Variants in TFR2 observed in about 807,000 individuals in gnomAD.
TFR2 encodes the protein transferrin receptor protein 2.
In TFR2, 64 loss-of-function variants were observed where a neutral mutation model predicts 91.9. The ratio of observed to expected loss-of-function variants is 0.70; its 90% CI spans 0.57 to 0.86. The LOEUF is 0.86. Ranked by LOEUF, TFR2 falls within the 40% of genes least tolerant of loss-of-function variation. The probability of loss-of-function intolerance (pLI) is 0.00; values close to 1 mark genes in which losing one functional copy is unlikely to be tolerated. For missense variants in TFR2, 950 were observed against 1,080.5 expected (o/e 0.88, Z 1.69); for synonymous variants, 454 against 459.6 (o/e 0.99, Z 0.15).
At chr7:100,629,485 C>T in intron 9 of TFR2, 113 bp from the exon 10 acceptor site, 1 of 1,570,890 alleles carries the variant, frequency 6.4e-7, no homozygotes, top group Non-Finnish European at 8.6e-7. Flanking sequence ...CCTAGCCCTG[C>T]AGTCCCTCCA....
rs1478674823 is a variant in TFR2 at position 100,626,807 on chromosome 7, T to C, written c.2092A>G (p.Arg698Gly). Residue 698 changes from arginine (R) to glycine (G), a missense_variant, in exon 17 of 18, where the codon AGA becomes GGA. By Grantham distance (125) the Arg-to-Gly change is moderately radical (BLOSUM62 -2). Transcript: ENST00000223051. Reference sequence around the variant, plus strand: ...TACATGCGTGTCAGTCGCTCGTCTCTCTCCTCCGAGCTGTAGATCTCCTGC... The same window carrying C: ...TACATGCGTGTCAGTCGCTCGTCTCCCTCCTCCGAGCTGTAGATCTCCTGC... ...LRQEIYSSEE[R>G]DERLTRMYNV... 1 of 1,549,012 alleles carries C rather than the reference T, an allele frequency of 6.5e-7. No individual in the cohort carries two copies. The highest frequency in any genetic ancestry group is 8.7e-7 in the Non-Finnish European group (1 of 1,146,902).
In TFR2 at chr7:100,632,007, A is replaced by G. The variant is rs1006892415; in HGVS notation, c.967-62T>C. On this transcript the variant is annotated intron_variant, in intron 7 of 17. Coordinates refer to ENST00000223051, the MANE Select transcript of TFR2 (RefSeq NM_003227.4). The stretch of plus-strand genomic sequence containing the variant: ...TGGGCTTCCAGGAAAAACGAAAAAC[A>G]TGCCAGCCCTATTCTGAGCAAGAAG... 1.2e-5 allele frequency: 19 copies of G among 1,613,964 alleles called. No homozygotes were observed. In the Admixed American group the frequency reaches 1.3e-4, roughly 11 times the overall value.
At chr7:100,637,229 A>G (rs1054303783) in intron 3 of TFR2, among the ~76,000 whole-genome samples, 13 of 151,996 alleles carry the variant, frequency 8.6e-5, no homozygotes, top group African/African-American at 3.1e-4. Flanking sequence ...GAGAAACCCC[A>G]TCTCCACTAA....
chr7:100,627,741 T>TA lies in TFR2; in HGVS notation c.1682+2dup. On this transcript the variant is annotated splice_region_variant and intron_variant, in intron 14 of 17. Coordinates refer to ENST00000223051, the MANE Select transcript of TFR2 (RefSeq NM_003227.4). ...CCCAGCTCTCCCTACCCCCCCAACTTACACCTCAGCATCCCAGCTGGGATT... is the reference window on the plus strand; with the variant it reads ...CCCAGCTCTCCCTACCCCCCCAACTTAACACCTCAGCATCCCAGCTGGGATT... 6.2e-7 allele frequency: 1 copy of TA among 1,613,310 alleles called. No individual in the cohort carries two copies. The highest frequency in any genetic ancestry group is 8.5e-7 in the Non-Finnish European group (1 of 1,179,634).
chr7:100,634,327 C>G (rs1219266672), intron 3 of TFR2, among the ~76,000 whole-genome samples: 2 of 152,182 alleles, frequency 1.3e-5, no homozygotes, highest in Non-Finnish European at 1.5e-5. Context: ...CACCAAGGTA[C>G]TCAGGGGAAT....
intron 9 of TFR2, among the ~76,000 whole-genome samples, chr7:100,630,521 C>A (rs1803404094): frequency 6.6e-6 from 1 of 152,106 alleles, no homozygotes; most frequent in Non-Finnish European, 1.5e-5. Flanking sequence ...AACTCCTGAC[C>A]TCAAGTGATC....
intron 3 of TFR2, among the ~76,000 whole-genome samples, chr7:100,638,570 T>G (rs935187438): frequency 6.6e-6 from 1 of 151,358 alleles, no homozygotes; most frequent in African/African-American, 2.4e-5. Flanking sequence ...CCCAACATGG[T>G]GAAACCCCGT....
At chr7:100,635,112 A>AT (rs952852850) in intron 3 of TFR2, among the ~76,000 whole-genome samples, 2 of 151,050 alleles carry the variant, frequency 1.3e-5, no homozygotes, top group African/African-American at 4.9e-5. Context: ...CTAGTTTTGT[A>AT]TTTTTTTAGT....
At position 100,633,037 on chromosome 7, in the gene TFR2, C is replaced by T. The variant is rs757450980; in HGVS notation, c.813G>A (p.Leu271=). ...ARGVDPVGRL[L]LVRVGVISFA... The stretch of plus-strand genomic sequence containing the variant: ...AGCTGATCACCCCCACGCGCACCAG[C>T]AGCAGGCGGCCCACTGGATCCACGC... The change falls in exon 6 of 18, where the codon CTG becomes CTA. Residue 271 remains leucine (L), a synonymous_variant. Transcript: ENST00000223051. The T allele has an allele frequency of 6.2e-6, 10 of 1,613,800 alleles. No individual in the cohort carries two copies. Among genetic ancestry groups the T allele is most frequent in the Non-Finnish European group, 5.9e-6 (7 of 1,180,010 alleles).
intron 3 of TFR2, among the ~76,000 whole-genome samples, chr7:100,637,827 G>A (rs1030279723): frequency 8.2e-4 from 68 of 82,852 alleles, no homozygotes; most frequent in Non-Finnish European, 1.3e-3. Context: ...AAAAATTAAT[G>A]TAATTTAATT....
At chr7:100,628,039 C>T (rs200503408) in intron 12 of TFR2, 34 bp downstream of exon 12, 2 of 1,614,086 alleles carry the variant, frequency 1.2e-6, no homozygotes, top group Non-Finnish European at 1.7e-6. Context: ...GGGTGGACCC[C>T]AGGGGGCCAG....
chr7:100,628,360 C>A, intron 10 of TFR2, 54 bp from the exon 11 acceptor site: 3 of 1,553,206 alleles, frequency 1.9e-6, no homozygotes, highest in Non-Finnish European at 2.7e-6. Flanking sequence ...CAAAGACCCT[C>A]CCCTTGTCTT....
chr7:100,625,993 CGTGA>C (rs1446443668), intron 17 of TFR2, among the ~76,000 whole-genome samples: 3 of 152,114 alleles, frequency 2.0e-5, no homozygotes, highest in Admixed American at 6.6e-5. Context: ...CTCTGAAAAC[CGTGA>C]GTGTGTGTGC....
At chr7:100,624,521 A>C (rs1366580564) in intron 17 of TFR2, among the ~76,000 whole-genome samples, 1 of 135,130 alleles carries the variant, frequency 7.4e-6, no homozygotes, top group Non-Finnish European at 1.6e-5. Context: ...ATTACACAAA[A>C]GTAGCCATAG....
chr7:100,632,327 C>T (rs902755550), intron 6 of TFR2, 129 bp from the exon 7 acceptor site: 6 of 880,624 alleles, frequency 6.8e-6, no homozygotes, highest in African/African-American at 6.6e-5. Context: ...GGGGGCACTA[C>T]CTGGCCTGTG....
chr7:100,621,226 T>C (rs1178653928), intron 17 of TFR2, 100 bp from the exon 18 acceptor site: 4 of 1,357,728 alleles, frequency 2.9e-6, no homozygotes, highest in Non-Finnish European at 3.9e-6. Flanking sequence ...TTTTTTTGTT[T>C]GTTTGTTTTC....
In TFR2 at chr7:100,630,961, C is replaced by T. The variant is rs1803413790; in HGVS notation, c.1198G>A (p.Val400Met). ...HLGPGPRLRL[V>M]VNNHRTSTPI... Reference sequence around the variant, plus strand: ...GTGGAGGTCCTGTGATTGTTGACCACTAGCCGCAGTCGTGGCCCGGGGCCC... The same window carrying T: ...GTGGAGGTCCTGTGATTGTTGACCATTAGCCGCAGTCGTGGCCCGGGGCCC... The change falls in exon 9 of 18, where the codon GTG becomes ATG. Residue 400 changes from valine (V) to methionine (M), a missense_variant. By Grantham distance (21) the Val-to-Met change is conservative. Coordinates refer to ENST00000223051, the MANE Select transcript of TFR2 (RefSeq NM_003227.4). 6.2e-7 allele frequency: 1 copy of T among 1,613,080 alleles called. No homozygotes were observed.
rs982999802 is a variant in TFR2, at chr7:100,621,079, C to T, written c.2184G>A (p.Pro728=). ...CACGGCCCATGAAGATGTGGCGGAA[C>T]GGGGAGTCGGCTGGCGACACGTACT... ...LSQYVSPADS[P]FRHIFMGRGD... Residue 728 remains proline (P), a synonymous_variant, in exon 18 of 18, where the codon CCG becomes CCA. Transcript: ENST00000223051. The T allele has an allele frequency of 2.2e-5, 34 of 1,546,580 alleles. No homozygotes were observed. Among genetic ancestry groups the T allele is most frequent in the Middle Eastern group, 2.0e-4 (1 of 5,102 alleles).
intron 3 of TFR2, among the ~76,000 whole-genome samples, chr7:100,638,757 TAA>T (rs34071254): frequency 7.4e-4 from 107 of 145,158 alleles, no homozygotes; most frequent in Middle Eastern, 3.5e-3. Flanking sequence ...TCAAAAAAAG[TAA>T]AAAAAAAAAA....
Sources: allele counts gnomAD v4.1 joint callset (sites outside exome capture counted in the v4.1 genomes callset), GRCh38; gene constraint gnomAD v4.1.1; transcripts MANE v1.5; gene names NCBI Gene and HGNC (gene_info 2026-07-23, HGNC 2026-07-21).